Variants in EYS observed in about 807,000 individuals in gnomAD.
EYS encodes protein eyes shut homolog.
In EYS, 250 loss-of-function variants were observed where a neutral mutation model predicts 282.1. The ratio of observed to expected loss-of-function variants is 0.89; its 90% CI spans 0.80 to 0.98. EYS has a LOEUF of 0.98. Among genes scored for constraint, EYS ranks in the 50% least tolerant of loss-of-function variants. EYS has a pLI of 0.00. For synonymous variants in EYS, 1,355 were observed against 1,282.9 expected (o/e 1.06, Z -1.20); for missense variants, 4,016 against 3,709.0 (o/e 1.08, Z -2.15).
At chr6:64,699,182 T>G (rs184101245) in intron 22 of EYS, among the ~76,000 whole-genome samples, 9 of 152,150 alleles carry the variant, frequency 5.9e-5, no homozygotes, top group African/African-American at 1.7e-4. Flanking sequence ...GGAACATGGG[T>G]GGAGCTGGAG....
At chr6:64,475,570 A>T in intron 26 of EYS, among the ~76,000 whole-genome samples, 1 of 150,768 alleles carries the variant, frequency 6.6e-6, no homozygotes, top group Middle Eastern at 3.5e-3. Flanking sequence ...AAAAAAAAAA[A>T]AAAGAAAAGA....
At chr6:64,199,203 C>CA (rs1050482877) in intron 31 of EYS, among the ~76,000 whole-genome samples, 1 of 152,136 alleles carries the variant, frequency 6.6e-6, no homozygotes, top group Non-Finnish European at 1.5e-5. Context: ...GCTACAATAA[C>CA]AAAAATAGCA....
intron 13 of EYS, among the ~76,000 whole-genome samples, chr6:65,054,775 A>G (rs1281213706): frequency 2.6e-5 from 4 of 152,084 alleles, no homozygotes; most frequent in Non-Finnish European, 4.4e-5. Context: ...GAACGTGTTA[A>G]TGTACCATAT....
intron 22 of EYS, among the ~76,000 whole-genome samples, chr6:64,663,754 C>T (rs1769127940): frequency 6.6e-6 from 1 of 152,136 alleles, no homozygotes; most frequent in Admixed American, 6.5e-5. Context: ...CGGGTCTTTG[C>T]TCCCAGAGCC....
chr6:65,432,977 T>C (rs1767940931), intron 5 of EYS, among the ~76,000 whole-genome samples: 2 of 152,082 alleles, frequency 1.3e-5, no homozygotes, highest in African/African-American at 4.8e-5. Flanking sequence ...AGACTGGTAA[T>C]TAAGGGAGGA....
intron 36 of EYS, among the ~76,000 whole-genome samples, chr6:63,846,875 GC>G (rs1772112084): frequency 6.6e-6 from 1 of 151,932 alleles, no homozygotes; most frequent in Non-Finnish European, 1.5e-5. Context: ...TAATACATGA[GC>G]TTTTGCAAGC....
intron 5 of EYS, among the ~76,000 whole-genome samples, chr6:65,436,447 G>A (rs1768078431): frequency 6.6e-6 from 1 of 152,056 alleles, no homozygotes; most frequent in Non-Finnish European, 1.5e-5. Context: ...CCAGAGCAAT[G>A]TGACAAGAAG....
chr6:65,185,486 A>G (rs922883695), intron 12 of EYS, among the ~76,000 whole-genome samples: 6 of 151,900 alleles, frequency 3.9e-5, no homozygotes, highest in Non-Finnish European at 8.8e-5. Flanking sequence ...AGATTTGAAA[A>G]TATGGATCAC....
At chr6:64,085,108 G>C (rs1488775635) in intron 31 of EYS, among the ~76,000 whole-genome samples, 1 of 152,022 alleles carries the variant, frequency 6.6e-6, no homozygotes, top group Admixed American at 6.6e-5. Context: ...CTCCCGAGTA[G>C]CTGGGATTAC....
At chr6:65,557,570 C>G (rs1365376888) in intron 2 of EYS, among the ~76,000 whole-genome samples, 1 of 152,118 alleles carries the variant, frequency 6.6e-6, no homozygotes, top group Non-Finnish European at 1.5e-5. Flanking sequence ...ATGTCACAGC[C>G]CTGGCTTGTG....
chr6:63,973,800 C>G (rs980356967), intron 35 of EYS, among the ~76,000 whole-genome samples: 1 of 152,070 alleles, frequency 6.6e-6, no homozygotes, highest in African/African-American at 2.4e-5. Flanking sequence ...AGTGTTTTCT[C>G]ATGTAGTTTA....
chr6:65,164,416 T>G (rs1764924051), intron 12 of EYS, among the ~76,000 whole-genome samples: 1 of 146,368 alleles, frequency 6.8e-6, no homozygotes. Flanking sequence ...CTGCATTTGT[T>G]ATTTTTTTCC....
At chr6:65,696,803 G>C (rs1300179862) in intron 1 of EYS, among the ~76,000 whole-genome samples, 2 of 151,928 alleles carry the variant, frequency 1.3e-5, no homozygotes, top group African/African-American at 4.8e-5. Context: ...TTTATGCACT[G>C]CTTAAATAAA....
chr6:64,417,660 G>A (rs896852363), intron 28 of EYS, among the ~76,000 whole-genome samples: 6 of 139,580 alleles, frequency 4.3e-5, no homozygotes, highest in African/African-American at 1.0e-4. Context: ...ATTCTTACCT[G>A]TAAGGGTTGG....
At chr6:63,967,324 T>G (rs1336537466) in intron 35 of EYS, among the ~76,000 whole-genome samples, 1 of 152,232 alleles carries the variant, frequency 6.6e-6, no homozygotes, top group Admixed American at 6.5e-5. Context: ...ATGTTTGGAC[T>G]GCAGTTGACT....
intron 22 of EYS, 112 bp from the exon 23 acceptor site, chr6:64,626,357 T>C: frequency 7.8e-7 from 1 of 1,286,908 alleles, no homozygotes; most frequent in Non-Finnish European, 1.0e-6. Context: ...CAACAACATG[T>C]AGCTGGGAGC....
intron 12 of EYS, among the ~76,000 whole-genome samples, chr6:65,109,936 T>A (rs1302097480): frequency 6.6e-6 from 1 of 152,186 alleles, no homozygotes; most frequent in Non-Finnish European, 1.5e-5. Context: ...GAATCAAAAA[T>A]GTTATTCCCT....
intron 11 of EYS, among the ~76,000 whole-genome samples, chr6:65,309,155 T>G (rs1401265639): frequency 2.6e-5 from 4 of 152,200 alleles, no homozygotes; most frequent in Admixed American, 2.0e-4. Context: ...TGATGAGATA[T>G]TCTTTCGTCA....
At chr6:65,222,381 A>G (rs1217297297) in intron 12 of EYS, among the ~76,000 whole-genome samples, 1 of 152,094 alleles carries the variant, frequency 6.6e-6, no homozygotes, top group African/African-American at 2.4e-5. Context: ...GTCTCATGAG[A>G]ACTGATGGTT....
Sources: allele counts gnomAD v4.1 joint callset (sites outside exome capture counted in the v4.1 genomes callset), GRCh38; gene constraint gnomAD v4.1.1; transcripts MANE v1.5; gene names NCBI Gene and HGNC (gene_info 2026-07-23, HGNC 2026-07-21).